The following TBC1D14 variants were observed in gnomAD, a reference collection of about 807,000 sequenced individuals.
The protein encoded by TBC1D14 is TBC1 domain family member 14, also known as TBC1 domain family, member 14.
In TBC1D14, 26 loss-of-function variants were observed where a neutral mutation model predicts 79.0. That is an observed-to-expected ratio of 0.33 (90% CI 0.24 to 0.46). TBC1D14 has a LOEUF of 0.46. Ranked by LOEUF, TBC1D14 falls within the 20% of genes least tolerant of loss-of-function variation. The pLI is 1.00. For missense variants in TBC1D14, 769 were observed against 887.6 expected, an observed-to-expected ratio of 0.87 and a Z score of 1.70; for synonymous variants, 394 against 349.9, an observed-to-expected ratio of 1.13 and a Z score of -1.40.
chr4:6,931,988 G>T (rs1330113754), intron 2 of TBC1D14, among the ~76,000 whole-genome samples: 2 of 151,952 alleles, frequency 1.3e-5, no homozygotes, highest in African/African-American at 2.4e-5. Flanking sequence ...ACGAGGTCCT[G>T]GGAGGAGCGG....
chr4:6,971,945 C>T (rs1021296582), intron 3 of TBC1D14, among the ~76,000 whole-genome samples: 1 of 152,210 alleles, frequency 6.6e-6, no homozygotes, highest in African/African-American at 2.4e-5. Flanking sequence ...GCTGGTGAAC[C>T]GGAGAAGTTA....
At chr4:6,994,679 C>T (rs1173573293) in intron 4 of TBC1D14, among the ~76,000 whole-genome samples, 2 of 152,038 alleles carry the variant, frequency 1.3e-5, no homozygotes, top group African/African-American at 4.8e-5. Flanking sequence ...GAAACCCTGT[C>T]TCTACTAAAA....
intron 2 of TBC1D14, among the ~76,000 whole-genome samples, chr4:6,936,854 G>C (rs763008553): frequency 2.4e-4 from 36 of 151,960 alleles, no homozygotes; most frequent in Admixed American, 1.5e-3. Context: ...TTTTGGTGAA[G>C]TAGGAAGCAG....
intron 2 of TBC1D14, among the ~76,000 whole-genome samples, chr4:6,936,583 A>T (rs567112842): frequency 6.6e-6 from 1 of 152,368 alleles, no homozygotes; most frequent in East Asian, 1.9e-4. Flanking sequence ...TGAAACTGCC[A>T]TAATCATCTG....
chr4:6,955,327 C>T (rs1714523353), intron 2 of TBC1D14, among the ~76,000 whole-genome samples: 1 of 152,174 alleles, frequency 6.6e-6, no homozygotes, highest in Non-Finnish European at 1.5e-5. Flanking sequence ...AACAGGATTG[C>T]TATGTCCCTT....
At chr4:6,974,165 T>C (rs1332652001) in intron 3 of TBC1D14, among the ~76,000 whole-genome samples, 1 of 152,172 alleles carries the variant, frequency 6.6e-6, no homozygotes, top group African/African-American at 2.4e-5. Context: ...TTTTTTACTC[T>C]GTCCTCTTGC....
intron 3 of TBC1D14, among the ~76,000 whole-genome samples, chr4:6,986,508 A>T (rs1717840635): frequency 6.6e-6 from 1 of 152,210 alleles, no homozygotes; most frequent in African/African-American, 2.4e-5. Context: ...CCTCTGATGG[A>T]GACCTGTCTG....
intron 2 of TBC1D14, among the ~76,000 whole-genome samples, chr4:6,948,332 A>G (rs1157879922): frequency 1.3e-5 from 2 of 152,104 alleles, no homozygotes; most frequent in Non-Finnish European, 2.9e-5. Context: ...TCTTTAGGTA[A>G]ATGGACTCAT....
intron 2 of TBC1D14, among the ~76,000 whole-genome samples, chr4:6,942,270 A>T (rs940849967): frequency 2.0e-5 from 3 of 152,104 alleles, no homozygotes; most frequent in Non-Finnish European, 1.5e-5. Context: ...TGTATTTTTC[A>T]TGTGCACACA....
chr4:6,947,679 AT>A (rs1713617606), intron 2 of TBC1D14, among the ~76,000 whole-genome samples: 1 of 149,908 alleles, frequency 6.7e-6, no homozygotes, highest in Non-Finnish European at 1.5e-5. Flanking sequence ...AAAAAAAAAA[AT>A]CTAAGCTGAT....
At chr4:6,920,934 ACG>A in intron 1 of TBC1D14, among the ~76,000 whole-genome samples, 1 of 152,098 alleles carries the variant, frequency 6.6e-6, no homozygotes, top group African/African-American at 2.4e-5. Context: ...ATCTGCCACC[ACG>A]TGCAGCTAAT....
At chr4:6,975,696 G>C (rs1440234918) in intron 3 of TBC1D14, among the ~76,000 whole-genome samples, 1 of 152,228 alleles carries the variant, frequency 6.6e-6, no homozygotes, top group Non-Finnish European at 1.5e-5. Context: ...TGGAAATTTT[G>C]TAACTGAAAA....
rs992872963 is a variant in TBC1D14 at position 6,987,219 on chromosome 4, G to GC, written c.844-6961dup. 8.9e-6 allele frequency: 11 copies of GC among 1,240,508 alleles called. No homozygotes were observed. The African/African-American group carries it at 1.7e-4, about 19-fold the overall frequency. The allele number at this position is 1,240,508 out of a possible 1,614,324, so 76.8% of individuals were successfully genotyped here. A position where few individuals can be genotyped will look rare whatever the true frequency, so the allele number is the denominator to read the frequency against. On this transcript the variant is annotated intron_variant, in intron 3 of 13. Transcript: ENST00000409757. The stretch of plus-strand genomic sequence containing the variant: ...ATTGAGCGGCCTGCCGCCCCGCCCC[G>GC]CCCCGCGAGTCTGAGGAGCCGCCGC...
intron 2 of TBC1D14, chr4:6,954,139 G>GC: frequency 1.6e-6 from 1 of 612,076 alleles, no homozygotes; most frequent in Non-Finnish European, 3.0e-6. Flanking sequence ...CCGCCGGCCT[G>GC]CTGGGTCCAG....
intron 2 of TBC1D14, among the ~76,000 whole-genome samples, chr4:6,958,541 C>G (rs943100934): frequency 2.0e-5 from 3 of 152,128 alleles, no homozygotes; most frequent in East Asian, 1.9e-4. Flanking sequence ...CGATTCCCCC[C>G]ACTTCAGCCT....
intron 3 of TBC1D14, among the ~76,000 whole-genome samples, chr4:6,990,249 G>A (rs1378299929): frequency 6.6e-6 from 1 of 152,178 alleles, no homozygotes; most frequent in Non-Finnish European, 1.5e-5. Flanking sequence ...AGGAGTTCCA[G>A]ACCAGCCTGG....
chr4:7,019,561 G>A (rs1394209652), intron 12 of TBC1D14, among the ~76,000 whole-genome samples: 3 of 151,994 alleles, frequency 2.0e-5, no homozygotes, highest in African/African-American at 7.3e-5. Context: ...CGAAGGGAGG[G>A]GCAGCAGCCT....
At chr4:6,923,329 G>A (rs911376635) in intron 1 of TBC1D14, 44 bp from the exon 2 acceptor site, 28 of 1,541,610 alleles carry the variant, frequency 1.8e-5, no homozygotes, top group Non-Finnish European at 2.4e-5. Context: ...TGGCATCTTT[G>A]AATTTTATAT....
chr4:6,930,067 A>G (rs926893756), intron 2 of TBC1D14, among the ~76,000 whole-genome samples: 3 of 152,212 alleles, frequency 2.0e-5, no homozygotes, highest in Non-Finnish European at 2.9e-5. Context: ...AAGGAGATGA[A>G]TGAGAAATCA....
Sources: allele counts gnomAD v4.1 joint callset (sites outside exome capture counted in the v4.1 genomes callset), GRCh38; gene constraint gnomAD v4.1.1; transcripts MANE v1.5; gene names NCBI Gene and HGNC (gene_info 2026-07-23, HGNC 2026-07-21).